Variants in ANAPC4 observed in about 807,000 individuals in gnomAD.
ANAPC4 encodes anaphase promoting complex subunit 4.
Under a neutral mutation model 119.8 loss-of-function variants are expected in ANAPC4, and 63 were observed. That is an observed-to-expected ratio of 0.53 (90% confidence interval 0.43 to 0.65). The LOEUF is 0.65. Among genes scored for constraint, ANAPC4 ranks in the 30% least tolerant of loss-of-function variants. ANAPC4 has a pLI of 0.00. For missense variants in ANAPC4, 716 were observed against 945.1 expected (o/e 0.76, Z 3.18); for synonymous variants, 283 against 318.6 (o/e 0.89, Z 1.19).
chr4:25,409,240 T>C (rs775288225), intron 20 of ANAPC4, among the ~76,000 whole-genome samples: 1 of 152,248 alleles, frequency 6.6e-6, no homozygotes, highest in African/African-American at 2.4e-5. Context: ...TGGATACTTA[T>C]GAAACTAATT....
chr4:25,380,558 T>C, intron 3 of ANAPC4, 79 bp downstream of exon 3: 4 of 1,082,374 alleles, frequency 3.7e-6, no homozygotes, highest in Non-Finnish European at 5.2e-6. Flanking sequence ...AGAAAGGATT[T>C]ATTGTTCTTA....
rs762192761 is a variant in ANAPC4, at chr4:25,388,450, G to T, written c.369-50G>T. ...AAAATTAGCATTTTTAATGGCAAGA[G>T]AAGTAAAATCTTTGGTGTTTTTATA... is the stretch of plus-strand genomic sequence containing the variant. On this transcript the variant is annotated intron_variant, in intron 4 of 28. Coordinates refer to ENST00000315368, the MANE Select transcript of ANAPC4 (RefSeq NM_013367.3). 2.4e-6 allele frequency: 3 copies of T among 1,252,624 alleles called. No homozygotes were observed. In the East Asian group the frequency reaches 7.0e-5, roughly 29 times the overall value. 77.6% of individuals were successfully genotyped at this position (1,252,624 alleles called of 1,614,324 possible).
At chr4:25,377,636 T>A in intron 2 of ANAPC4, 80 bp downstream of exon 2, 1 of 1,516,712 alleles carries the variant, frequency 6.6e-7, no homozygotes, top group South Asian at 1.2e-5. Flanking sequence ...GCCTGTTCAT[T>A]CGGGCCACAG....
At chr4:25,406,188 T>C (rs1264111451) in intron 18 of ANAPC4, among the ~76,000 whole-genome samples, 1 of 152,198 alleles carries the variant, frequency 6.6e-6, no homozygotes, top group Non-Finnish European at 1.5e-5. Context: ...AAAATTAGCC[T>C]CATGAGCTAG....
chr4:25,417,593 A>C (rs776174393), intron 27 of ANAPC4, 23 bp from the exon 28 acceptor site: 14 of 1,561,536 alleles, frequency 9.0e-6, no homozygotes, highest in South Asian at 3.7e-5. Flanking sequence ...TTCATTCCTG[A>C]GTTGGTTTTT....
intron 21 of ANAPC4, among the ~76,000 whole-genome samples, chr4:25,412,442 G>T (rs1205285718): frequency 6.6e-6 from 1 of 151,858 alleles, no homozygotes; most frequent in Non-Finnish European, 1.5e-5. Context: ...CTTTTTGGTG[G>T]CCAGCCCCTA....
At chr4:25,406,102 C>A (rs899613856) in intron 18 of ANAPC4, among the ~76,000 whole-genome samples, 2 of 152,174 alleles carry the variant, frequency 1.3e-5, no homozygotes, top group Non-Finnish European at 2.9e-5. Context: ...TTGATTCTTG[C>A]AGCTCACTCT....
At chr4:25,416,831 G>A (rs1723905399) in intron 27 of ANAPC4, 1 of 314,196 alleles carries the variant, frequency 3.2e-6, no homozygotes, top group Admixed American at 4.7e-5. Flanking sequence ...GAATCAAGGT[G>A]GGGAATTATT....
At chr4:25,387,739 G>A (rs1190977461) in intron 4 of ANAPC4, among the ~76,000 whole-genome samples, 1 of 152,118 alleles carries the variant, frequency 6.6e-6, no homozygotes, top group Non-Finnish European at 1.5e-5. Flanking sequence ...AATTGAGAAG[G>A]AAAAGGGGGT....
chr4:25,377,633 C>T, intron 2 of ANAPC4, 77 bp downstream of exon 2: 1 of 1,516,872 alleles, frequency 6.6e-7, no homozygotes, highest in African/African-American at 1.4e-5. Flanking sequence ...CGAGCCTGTT[C>T]ATTCGGGCCA....
intron 3 of ANAPC4, among the ~76,000 whole-genome samples, chr4:25,383,016 T>C (rs967969597): frequency 6.6e-6 from 1 of 152,210 alleles, no homozygotes; most frequent in Non-Finnish European, 1.5e-5. Flanking sequence ...ACGTTAAGTG[T>C]GCTACGTGAG....
At chr4:25,392,253 T>A in intron 9 of ANAPC4, 85 bp from the exon 10 acceptor site, 1 of 918,984 alleles carries the variant, frequency 1.1e-6, no homozygotes, top group Admixed American at 1.8e-5. Context: ...GTCTTTCTGA[T>A]ACGTAGTTTG....
At chr4:25,407,754 G>T (rs1260621355) in intron 20 of ANAPC4, among the ~76,000 whole-genome samples, 2 of 151,974 alleles carry the variant, frequency 1.3e-5, no homozygotes, top group African/African-American at 4.8e-5. Flanking sequence ...TACCAGCCAG[G>T]CATTGTGGCT....
At chr4:25,409,199 G>A (rs1723434003) in intron 20 of ANAPC4, among the ~76,000 whole-genome samples, 1 of 152,202 alleles carries the variant, frequency 6.6e-6, no homozygotes, top group Admixed American at 6.5e-5. Flanking sequence ...AAGAACAACT[G>A]CCATAGAGTA....
intron 10 of ANAPC4, among the ~76,000 whole-genome samples, 187 bp from the exon 11 acceptor site, chr4:25,393,618 C>T (rs1376053208): frequency 6.6e-6 from 1 of 152,072 alleles, no homozygotes; most frequent in Non-Finnish European, 1.5e-5. Flanking sequence ...GCCAAGATGG[C>T]GTCACTGCAC....
rs866765051 is a variant in ANAPC4, at chr4:25,407,215, C to T, written c.1393C>T (p.Arg465Ter). The part of the protein sequence containing the change: ...HFNEAPDLYN[R>*]KGKYFNVERV... The stretch of plus-strand genomic sequence containing the variant: ...TTTCCAGGCTCCAGACCTTTATAAT[C>T]GAAAAGGAAAATACTTTAACGTTGA... Residue 465 changes from arginine to a stop codon, truncating the protein, a stop_gained, in exon 20 of 29, where the codon CGA (arginine) becomes TGA (stop). Coordinates refer to ENST00000315368, the MANE Select transcript of ANAPC4 (RefSeq NM_013367.3). LOFTEE classifies it high-confidence loss of function. 6.2e-7 allele frequency: 1 copy of T among 1,607,582 alleles called. No individual in the cohort carries two copies. The highest frequency in any genetic ancestry group is 8.5e-7 in the Non-Finnish European group (1 of 1,177,780).
At position 25,418,197 on chromosome 4, in the gene ANAPC4, A is replaced by T; in HGVS notation, c.2242A>T (p.Ile748Leu). 1 of 1,614,086 alleles carries T rather than the reference A, an allele frequency of 6.2e-7. No individual in the cohort carries two copies. The highest frequency in any genetic ancestry group is 1.3e-5 in the African/African-American group (1 of 75,034). ...TCATGTGAGAGTATTTGAAATGGAC[A>T]TAGATGATGAATGGGAGCTCGATGA... ...LRHVRVFEMDIDDEWELDESS... is the reference protein window; with the variant it reads ...LRHVRVFEMDLDDEWELDESS... Residue 748 changes from isoleucine to leucine, a missense_variant, in exon 29 of 29, where the codon ATA becomes TTA. This residue lies in a region of ANAPC4 where 504 missense variants were observed against 615.8 expected (regional missense o/e 0.82). Coordinates refer to ENST00000315368, the MANE Select transcript of ANAPC4 (RefSeq NM_013367.3).
In ANAPC4 at chr4:25,414,305, A is replaced by C; in HGVS notation, c.1624-19A>C. Reference sequence around the variant, plus strand: ...CATATTAACGCTCTAATTATATTTTAAAATCTTATTTTATATAGGATGTAA... The same window carrying C: ...CATATTAACGCTCTAATTATATTTTCAAATCTTATTTTATATAGGATGTAA... On this transcript the variant is annotated intron_variant, in intron 22 of 28. Coordinates refer to ENST00000315368, the MANE Select transcript of ANAPC4 (RefSeq NM_013367.3). 6.8e-7 allele frequency: 1 copy of C among 1,472,340 alleles called. No homozygotes were observed. Among genetic ancestry groups the C allele is most frequent in the Non-Finnish European group, 9.3e-7 (1 of 1,071,110 alleles). The allele number at this position is 1,472,340 out of a possible 1,614,324, so 91.2% of individuals were successfully genotyped here.
chr4:25,416,157 A>G lies in ANAPC4; in HGVS notation c.1902-268A>G, dbSNP rs192601769. ...CCACAGGCTTAAGGCCTAACCATTG[A>G]TGGCCAGGGGCTTTCTAGAACTGAA... On this transcript the variant is annotated intron_variant, in intron 26 of 28. Transcript: ENST00000315368. 1.1e-3 allele frequency: 303 copies of G among 268,540 alleles called. 2 individuals are homozygous for G. Among genetic ancestry groups the G allele is most frequent in the Admixed American group, 2.3e-3 (46 of 20,416 alleles). The allele number at this position is 268,540 out of a possible 1,614,324, so 16.6% of individuals were successfully genotyped here. A position where few individuals can be genotyped will look rare whatever the true frequency, so the allele number is the denominator to read the frequency against.
Sources: allele counts gnomAD v4.1 joint callset (sites outside exome capture counted in the v4.1 genomes callset), GRCh38; gene constraint gnomAD v4.1.1; regional missense constraint gnomAD v4.1.1; transcripts MANE v1.5; gene names NCBI Gene and HGNC (gene_info 2026-07-23, HGNC 2026-07-21).